ITPR2: variants seen among roughly 807,000 people sequenced by gnomAD.
ITPR2 encodes inositol 1,4,5-trisphosphate receptor type 2.
ITPR2 carries 207 observed loss-of-function variants against 317.1 expected under a neutral mutation model. That is an observed-to-expected ratio of 0.65 (90% CI 0.58 to 0.73). The LOEUF (loss-of-function observed/expected upper bound fraction) is 0.73. ITPR2 is among the 30% of genes least tolerant of loss of function. The pLI is 0.00. For missense variants in ITPR2, 2,613 were observed against 3,284.0 expected (o/e 0.80, Z 4.99); for synonymous variants, 1,156 against 1,149.1 (o/e 1.01, Z -0.12).
intron 1 of ITPR2, among the ~76,000 whole-genome samples, chr12:26,829,053 G>T (rs1312861354): frequency 6.6e-6 from 1 of 152,096 alleles, no homozygotes; most frequent in African/African-American, 2.4e-5. Context: ...GAACAGCATG[G>T]TTTCTTTAGA....
chr12:26,789,919 T>G (rs1950314802), intron 2 of ITPR2, among the ~76,000 whole-genome samples: 1 of 152,194 alleles, frequency 6.6e-6, no homozygotes, highest in East Asian at 1.9e-4. Flanking sequence ...ATTACCAAGA[T>G]TTCCTTTTAA....
chr12:26,471,794 A>ACAGTC (rs1391692427), intron 45 of ITPR2, among the ~76,000 whole-genome samples: 1 of 152,242 alleles, frequency 6.6e-6, no homozygotes, highest in Non-Finnish European at 1.5e-5. Context: ...ACCAATTTGC[A>ACAGTC]CAGTCATTTG....
intron 2 of ITPR2, among the ~76,000 whole-genome samples, chr12:26,762,742 A>C (rs1949659518): frequency 6.6e-6 from 1 of 152,218 alleles, no homozygotes; most frequent in African/African-American, 2.4e-5. Context: ...AAAGCATTAA[A>C]AATAAGTGTA....
In ITPR2 at chr12:26,724,588, G is replaced by C. The variant is rs1209869060; in HGVS notation, c.366+68C>G. 4.3e-6 allele frequency: 4 copies of C among 926,484 alleles called. No homozygotes were observed. In the African/African-American group the frequency reaches 6.6e-5, roughly 15 times the overall value. 57.4% of individuals were successfully genotyped at this position (926,484 alleles called of 1,614,324 possible). On this transcript the variant is annotated intron_variant, in intron 4 of 56. Coordinates refer to ENST00000381340, the MANE Select transcript of ITPR2 (RefSeq NM_002223.4). ...GTATCTCAAAATTTTAACGCAGTTT[G>C]GCTTTCCTGCCAACTTACTGACAAA...
chr12:26,718,810 C>G (rs893442127), intron 5 of ITPR2, among the ~76,000 whole-genome samples: 4 of 152,068 alleles, frequency 2.6e-5, no homozygotes, highest in Admixed American at 2.6e-4. Flanking sequence ...CGGGGTTTCA[C>G]TACGTTGGTC....
chr12:26,591,399 A>C (rs1945700350), intron 32 of ITPR2, among the ~76,000 whole-genome samples: 1 of 152,238 alleles, frequency 6.6e-6, no homozygotes, highest in Admixed American at 6.5e-5. Flanking sequence ...ATCTCACCCC[A>C]GTTAAAGTGG....
chr12:26,413,056 G>A (rs182933609), intron 51 of ITPR2, among the ~76,000 whole-genome samples: 25 of 152,318 alleles, frequency 1.6e-4, no homozygotes, highest in African/African-American at 4.3e-4. Flanking sequence ...GGAGGATGGC[G>A]CTGAAAATGG....
chr12:26,416,681 T>C (rs1185213058), intron 50 of ITPR2, among the ~76,000 whole-genome samples: 1 of 152,236 alleles, frequency 6.6e-6, no homozygotes, highest in Non-Finnish European at 1.5e-5. Context: ...GCAATCTATT[T>C]ACCTCCTGGA....
intron 35 of ITPR2, among the ~76,000 whole-genome samples, chr12:26,559,412 T>C (rs1015026832): frequency 6.6e-6 from 1 of 152,194 alleles, no homozygotes; most frequent in Non-Finnish European, 1.5e-5. Context: ...AGCAGATTTG[T>C]TGTCTGGTGA....
chr12:26,754,628 G>T (rs1204210896), intron 2 of ITPR2, among the ~76,000 whole-genome samples: 1 of 152,164 alleles, frequency 6.6e-6, no homozygotes, highest in African/African-American at 2.4e-5. Context: ...GAGAGCTACA[G>T]GATTGTTTTA....
intron 49 of ITPR2, chr12:26,421,127 A>G (rs2136689354): frequency 6.6e-6 from 1 of 152,328 alleles, no homozygotes; most frequent in South Asian, 2.1e-4. Flanking sequence ...GAGGAAAAAA[A>G]ATACACTGAA....
Position 26,655,763 on chromosome 12 carries a change from A to G in ITPR2, c.2534T>C (p.Val845Ala). 2 of 1,613,260 alleles carry G rather than the reference A, an allele frequency of 1.2e-6. No homozygotes were observed. The highest frequency in any genetic ancestry group is 1.7e-6 in the Non-Finnish European group (2 of 1,179,456). ...CCCAAAAGGAAAGGGCTGGTTTACA[A>G]CTTCTTTCAAATATTCTTCAACAAA... ...MEFVEEYLKE[V>A]VNQPFPFGDK... Residue 845 changes from valine (V) to alanine (A), a missense_variant, in exon 20 of 57, where the codon GTT becomes GCT. Around this residue, in one of 9 missense-constraint regions of ITPR2, gnomAD observed 817 missense variants for 897.6 expected, o/e 0.91. Coordinates refer to ENST00000381340, the MANE Select transcript of ITPR2 (RefSeq NM_002223.4).
chr12:26,381,793 G>A (rs1213054204), intron 55 of ITPR2, among the ~76,000 whole-genome samples: 2 of 152,200 alleles, frequency 1.3e-5, no homozygotes, highest in African/African-American at 2.4e-5. Flanking sequence ...GGTCTCACTA[G>A]CAGCCCAGTG....
At chr12:26,675,831 A>G (rs1305071115) in intron 13 of ITPR2, among the ~76,000 whole-genome samples, 2 of 152,250 alleles carry the variant, frequency 1.3e-5, no homozygotes, top group African/African-American at 4.8e-5. Flanking sequence ...GATAGAAAGT[A>G]ATTATCAATC....
Position 26,639,670 on chromosome 12 carries a change from T to C in ITPR2, c.2741-7611A>G, listed in dbSNP as rs894287394. On this transcript the variant is annotated intron_variant, in intron 21 of 56. Coordinates refer to ENST00000381340, the MANE Select transcript of ITPR2 (RefSeq NM_002223.4). ...AGAGTGTGATGTTCCCCTTCCTGTG[T>C]CCATGTGTTCTCATTGTTCAATTCC... Among the ~76,000 whole-genome samples, 13 of 140,612 alleles carry C rather than the reference T, an allele frequency of 9.2e-5. No homozygotes were observed. The Admixed American group carries it at 1.0e-3, about 11-fold the overall frequency. 92.2% of individuals were successfully genotyped at this position (140,612 alleles called of 152,430 possible). A position where few individuals can be genotyped will look rare whatever the true frequency, so the allele number is the denominator to read the frequency against.
At chr12:26,592,901 T>C (rs971756825) in intron 32 of ITPR2, among the ~76,000 whole-genome samples, 1 of 152,238 alleles carries the variant, frequency 6.6e-6, no homozygotes, top group Non-Finnish European at 1.5e-5. Context: ...TACAATGATA[T>C]GGATGATGTT....
intron 21 of ITPR2, among the ~76,000 whole-genome samples, chr12:26,636,359 T>TC (rs1393482523): frequency 6.6e-6 from 1 of 152,148 alleles, no homozygotes; most frequent in East Asian, 1.9e-4. Context: ...GCAGTCCCCC[T>TC]CTCCAACAAC....
intron 55 of ITPR2, among the ~76,000 whole-genome samples, chr12:26,351,502 A>C (rs183255863): frequency 4.6e-5 from 7 of 152,328 alleles, no homozygotes; most frequent in Admixed American, 6.5e-5. Flanking sequence ...CAGAAGAGAC[A>C]AATCAGCCAG....
intron 5 of ITPR2, among the ~76,000 whole-genome samples, chr12:26,718,695 T>C (rs919889700): frequency 1.3e-5 from 2 of 151,988 alleles, no homozygotes; most frequent in African/African-American, 4.8e-5. Flanking sequence ...CTGCAACCTC[T>C]GCTTCCCAGG....
Sources: allele counts gnomAD v4.1 joint callset (sites outside exome capture counted in the v4.1 genomes callset), GRCh38; gene constraint gnomAD v4.1.1; regional missense constraint gnomAD v4.1.1; transcripts MANE v1.5; gene names NCBI Gene and HGNC (gene_info 2026-07-23, HGNC 2026-07-21).